Variants in PPFIA1 observed in about 807,000 individuals in gnomAD.
PPFIA1 encodes liprin-alpha-1.
A neutral mutation model predicts 149.9 loss-of-function variants in PPFIA1; 25 were observed. The ratio of observed to expected loss-of-function variants is 0.17; its 90% CI spans 0.12 to 0.23. The LOEUF (loss-of-function observed/expected upper bound fraction) is 0.23. Among genes scored for constraint, PPFIA1 ranks in the 10% least tolerant of loss-of-function variants. The pLI is 1.00. For missense variants in PPFIA1, 1,362 were observed against 1,506.5 expected (o/e 0.90, Z 1.59); for synonymous variants, 549 against 552.8 (o/e 0.99, Z 0.10).
intron 2 of PPFIA1, among the ~76,000 whole-genome samples, chr11:70,296,875 C>G (rs1272367195): frequency 1.3e-5 from 2 of 152,092 alleles, no homozygotes; most frequent in African/African-American, 4.8e-5. Context: ...AAGAGCATGG[C>G]CTCTGGGTCT....
rs1406207744 is a variant in PPFIA1, at chr11:70,354,265, G to C, written c.2164-36G>C. ...TTAAGGCCTGAGTTTTTCACAGTCTGCTGTTAACTAACTTTGCACTTCTCT... is the reference window on the plus strand; with the variant it reads ...TTAAGGCCTGAGTTTTTCACAGTCTCCTGTTAACTAACTTTGCACTTCTCT... On this transcript the variant is annotated intron_variant, in intron 16 of 27. Transcript: ENST00000253925. The C allele has an allele frequency of 3.8e-6, 6 of 1,581,738 alleles. 1 individual carries two copies. In the South Asian group the frequency reaches 5.7e-5, roughly 15 times the overall value.
At chr11:70,346,202 G>A (rs866386792) in intron 15 of PPFIA1, among the ~76,000 whole-genome samples, 58 of 152,284 alleles carry the variant, frequency 3.8e-4, no homozygotes, top group South Asian at 1.2e-3. Context: ...ACCAGGGGGT[G>A]CCTGGGATCT....
chr11:70,305,222 A>G (rs983505958), intron 2 of PPFIA1, among the ~76,000 whole-genome samples: 2 of 152,184 alleles, frequency 1.3e-5, no homozygotes, highest in African/African-American at 4.8e-5. Flanking sequence ...CCACAGCAAA[A>G]AAAGGGGAGA....
intron 21 of PPFIA1, chr11:70,366,096 G>A (rs2056920809): frequency 2.7e-6 from 1 of 365,822 alleles, no homozygotes; most frequent in African/African-American, 2.1e-5. Context: ...GTACAGGATT[G>A]TTAATGATTT....
At chr11:70,377,329 AAC>A (rs1176714082) in intron 25 of PPFIA1, among the ~76,000 whole-genome samples, 1 of 152,286 alleles carries the variant, frequency 6.6e-6, no homozygotes, top group African/African-American at 2.4e-5. Flanking sequence ...GTATATTAAA[AAC>A]ACAAAATGTT....
In PPFIA1 at chr11:70,325,561, C is replaced by T. The variant is rs1288113150; in HGVS notation, c.593C>T (p.Ala198Val). The change falls in exon 5 of 28, where the codon GCC (alanine) becomes GTC (valine). Residue 198 changes from alanine to valine, a missense_variant. Transcript: ENST00000253925. ...RCSLLEEELGATHKELMILKE... is the reference protein window; with the variant it reads ...RCSLLEEELGVTHKELMILKE... ...AGTTTGTTAGAAGAGGAATTAGGTG[C>T]CACACACAAAGAGGTAAGCTTGAGA... 1.3e-6 allele frequency: 2 copies of T among 1,574,732 alleles called. No homozygotes were observed. The highest frequency in any genetic ancestry group is 2.2e-5 in the East Asian group (1 of 44,632).
At chr11:70,382,050 CTG>C (rs776781370) in intron 26 of PPFIA1, 36 bp from the exon 27 acceptor site, 11 of 1,598,650 alleles carry the variant, frequency 6.9e-6, no homozygotes, top group Non-Finnish European at 7.7e-6. Context: ...TAACTGCACG[CTG>C]TGTTTGCACG....
At chr11:70,344,756 A>G (rs2137151036) in intron 15 of PPFIA1, among the ~76,000 whole-genome samples, 2 of 152,384 alleles carry the variant, frequency 1.3e-5, no homozygotes, top group Admixed American at 1.3e-4. Flanking sequence ...GTAATAAAAC[A>G]GGAAGAATGC....
intron 2 of PPFIA1, among the ~76,000 whole-genome samples, chr11:70,310,893 C>A (rs1324301270): frequency 6.6e-6 from 1 of 152,040 alleles, no homozygotes; most frequent in Non-Finnish European, 1.5e-5. Context: ...GACCCAGTAT[C>A]GGGAGAGCAG....
Position 70,330,172 on chromosome 11 carries a change from G to T in PPFIA1, c.931-1G>T. On this transcript the variant is annotated splice_acceptor_variant, in intron 7 of 27. Coordinates refer to ENST00000253925, the MANE Select transcript of PPFIA1 (RefSeq NM_003626.5). LOFTEE classifies it high-confidence loss of function. ...TGTCCCCTCTGAAATACCTAATTTAGGCCATGGCCCAAAAGGAAGATATGG... is the reference window on the plus strand; with the variant it reads ...TGTCCCCTCTGAAATACCTAATTTATGCCATGGCCCAAAAGGAAGATATGG... 6.3e-7 allele frequency: 1 copy of T among 1,587,966 alleles called. No homozygotes were observed. Among genetic ancestry groups the T allele is most frequent in the South Asian group, 1.2e-5 (1 of 86,102 alleles).
rs760717955 is a variant in PPFIA1, at chr11:70,378,252, CT to C, written c.3550+58del. 5.7e-6 allele frequency: 9 copies of C among 1,570,938 alleles called. No homozygotes were observed. The East Asian group carries it at 1.8e-4, about 32-fold the overall frequency. ...GTTGGGAGCATGAGCAGCTTTCTGT[CT>C]GGAACATTAATAATGATCTAAAACG... On this transcript the variant is annotated intron_variant, in intron 26 of 27. Transcript: ENST00000253925.
intron 15 of PPFIA1, chr11:70,345,886 G>T (rs1328057322): frequency 3.1e-6 from 1 of 322,496 alleles, no homozygotes; most frequent in East Asian, 9.1e-5. Context: ...AGCCTCACAT[G>T]TTCAGGTCCC....
At chr11:70,351,868 G>A (rs776091503) in intron 16 of PPFIA1, among the ~76,000 whole-genome samples, 3 of 152,200 alleles carry the variant, frequency 2.0e-5, no homozygotes, top group East Asian at 1.9e-4. Context: ...CCCTGGCAGC[G>A]TTCCTACAGA....
intron 17 of PPFIA1, 68 bp downstream of exon 17, chr11:70,354,520 C>T: frequency 6.8e-7 from 1 of 1,477,010 alleles, no homozygotes; most frequent in Non-Finnish European, 9.1e-7. Context: ...GAGAAATCGA[C>T]AAATCTTTCC....
At chr11:70,380,278 A>G (rs1178405900) in intron 26 of PPFIA1, among the ~76,000 whole-genome samples, 2 of 145,744 alleles carry the variant, frequency 1.4e-5, no homozygotes, top group African/African-American at 5.1e-5. Flanking sequence ...TAAAAATACA[A>G]AAAAATCGGC....
intron 23 of PPFIA1, 113 bp downstream of exon 23, chr11:70,372,687 AAACT>A: frequency 5.0e-6 from 4 of 794,720 alleles, no homozygotes; most frequent in Middle Eastern, 3.6e-4. Context: ...TAAGTGGAGA[AAACT>A]AACTAGTCTA....
intron 25 of PPFIA1, 112 bp from the exon 26 acceptor site, chr11:70,377,918 G>A (rs1265792055): frequency 2.3e-6 from 2 of 865,904 alleles, no homozygotes; most frequent in East Asian, 2.5e-5. Flanking sequence ...TTAAATACAT[G>A]TGGACAAGAA....
chr11:70,379,622 AAAT>A lies in PPFIA1; in HGVS notation c.3550+1434_3550+1436del, dbSNP rs564284667. On this transcript the variant is annotated intron_variant, in intron 26 of 27. Coordinates refer to ENST00000253925, the MANE Select transcript of PPFIA1 (RefSeq NM_003626.5). Reference sequence around the variant, plus strand: ...TGAGACCCCATCTCTAAAAAAAAAAAAATAATAATTGAAAACTGTGCGAATGGG... The same window carrying A: ...TGAGACCCCATCTCTAAAAAAAAAAAAATAATTGAAAACTGTGCGAATGGG... 2.0e-5 allele frequency among the ~76,000 whole-genome samples: 3 copies of A among 151,616 alleles called. 1 individual carries two copies. The highest frequency in any genetic ancestry group is 4.2e-4 in the South Asian group (2 of 4,818).
chr11:70,348,052 T>C (rs1372910041), intron 15 of PPFIA1, 137 bp from the exon 16 acceptor site: 2 of 645,966 alleles, frequency 3.1e-6, no homozygotes, highest in Non-Finnish European at 5.3e-6. Context: ...ACATTTTTGC[T>C]GAAGTGTTCA....
Sources: gnomAD v4.1 joint callset for allele counts (sites outside exome capture counted in the v4.1 genomes callset) on GRCh38, gnomAD v4.1.1 for gene constraint, MANE v1.5 for transcripts, NCBI Gene and HGNC (gene_info 2026-07-23, HGNC 2026-07-21) for gene names.